Variants in KIF15 observed in about 807,000 individuals in gnomAD.
KIF15 encodes kinesin family member 15.
KIF15 carries 140 observed loss-of-function variants against 190.6 expected under a neutral mutation model. The observed-to-expected ratio is 0.73, with a 90% confidence interval of 0.64 to 0.84. The LOEUF (loss-of-function observed/expected upper bound fraction) is 0.84. KIF15 is among the 40% of genes least tolerant of loss of function. The pLI is 0.00. For missense variants in KIF15, 1,372 were observed against 1,584.4 expected (o/e 0.87, Z 2.28); for synonymous variants, 528 against 551.3 (o/e 0.96, Z 0.59).
chr3:44,805,744 A>G, intron 15 of KIF15, 101 bp from the exon 16 acceptor site: 1 of 1,054,424 alleles, frequency 9.5e-7, no homozygotes, highest in African/African-American at 1.6e-5. Context: ...TCTGATTTAG[A>G]GATAACTATA....
chr3:44,785,922 T>C (rs1043134051), intron 6 of KIF15, among the ~76,000 whole-genome samples: 2 of 152,176 alleles, frequency 1.3e-5, no homozygotes, highest in Non-Finnish European at 2.9e-5. Flanking sequence ...TATAATGATG[T>C]GTTAAAACTA....
intron 20 of KIF15, among the ~76,000 whole-genome samples, chr3:44,816,055 A>C (rs1708018512): frequency 1.3e-5 from 2 of 151,948 alleles, no homozygotes; most frequent in Admixed American, 1.3e-4. Context: ...TTAAAGATTC[A>C]TTTCTATTTG....
intron 10 of KIF15, chr3:44,799,226 A>G (rs573326724): frequency 2.2e-6 from 1 of 456,628 alleles, no homozygotes; most frequent in Non-Finnish European, 4.4e-6. Context: ...ATCAGAAGCA[A>G]CTGGAAATGG....
At chr3:44,809,705 G>C (rs1210631513) in intron 16 of KIF15, among the ~76,000 whole-genome samples, 1 of 151,890 alleles carries the variant, frequency 6.6e-6, no homozygotes, top group Non-Finnish European at 1.5e-5. Flanking sequence ...ATTTAAATTA[G>C]CCAAGCATGG....
intron 1 of KIF15, 131 bp downstream of exon 1, chr3:44,762,015 C>A (rs1461152417): frequency 1.7e-6 from 2 of 1,146,556 alleles, no homozygotes; most frequent in Non-Finnish European, 2.6e-6. Context: ...CCGGCGGGGA[C>A]GTTTGGGAAT....
intron 32 of KIF15, among the ~76,000 whole-genome samples, chr3:44,849,251 A>G (rs1180443045): frequency 6.6e-6 from 1 of 152,230 alleles, no homozygotes; most frequent in East Asian, 1.9e-4. Flanking sequence ...TTGACTTTAT[A>G]TCTAAAATTT....
intron 13 of KIF15, 98 bp downstream of exon 13, chr3:44,802,072 TG>T: frequency 1.3e-6 from 1 of 788,620 alleles, no homozygotes; most frequent in Non-Finnish European, 2.0e-6. Flanking sequence ...CAATGGAAAT[TG>T]TTTTAAGTGA....
At chr3:44,829,025 G>A (rs1041888548) in intron 24 of KIF15, among the ~76,000 whole-genome samples, 2 of 148,616 alleles carry the variant, frequency 1.3e-5, no homozygotes, top group Admixed American at 6.8e-5. Context: ...CAACAAGAGC[G>A]AAACTCTGTC....
intron 7 of KIF15, among the ~76,000 whole-genome samples, chr3:44,792,479 A>G (rs1706754663): frequency 6.6e-6 from 1 of 152,200 alleles, no homozygotes; most frequent in Non-Finnish European, 1.5e-5. Context: ...GTCTTAAAAA[A>G]AAGAAAAAAG....
chr3:44,803,091 G>A (rs762988977), intron 14 of KIF15, 100 bp downstream of exon 14: 2 of 961,370 alleles, frequency 2.1e-6, no homozygotes, highest in Non-Finnish European at 3.0e-6. Context: ...TAGCCTCCAG[G>A]CCTGCTATGC....
intron 20 of KIF15, among the ~76,000 whole-genome samples, chr3:44,819,023 A>G (rs1708148179): frequency 6.6e-6 from 1 of 151,982 alleles, no homozygotes; most frequent in Non-Finnish European, 1.5e-5. Context: ...TTTCTAGTTT[A>G]TTTGCGTAGA....
intron 16 of KIF15, among the ~76,000 whole-genome samples, chr3:44,809,429 G>T (rs1410938709): frequency 6.6e-6 from 1 of 152,056 alleles, no homozygotes; most frequent in African/African-American, 2.4e-5. Context: ...TATTTTTGAT[G>T]TAGCCAGGTT....
rs1705157500 is a variant in KIF15 at position 44,761,867 on chromosome 3, T to TG, written c.4dup (p.Ala2?). The stretch of plus-strand genomic sequence containing the variant: ...TCGGGATCGAGGGGTGAGGGCGCTA[T>TG]GGCACCCGGCTGCAAAAGTAAGTCT... On this transcript the variant is annotated frameshift_variant and start_lost, in exon 1 of 35. Coordinates refer to ENST00000326047, the MANE Select transcript of KIF15 (RefSeq NM_020242.3). LOFTEE classifies it high-confidence loss of function. 6.2e-7 allele frequency: 1 copy of TG among 1,614,070 alleles called. No individual in the cohort carries two copies. Among genetic ancestry groups the TG allele is most frequent in the African/African-American group, 1.3e-5 (1 of 74,928 alleles).
chr3:44,792,826 G>T (rs936320703), intron 7 of KIF15, among the ~76,000 whole-genome samples: 43 of 152,174 alleles, frequency 2.8e-4, no homozygotes, highest in African/African-American at 1.0e-3. Flanking sequence ...AATTACAGGC[G>T]TGAGCCACCG....
At chr3:44,829,446 T>C (rs1301602003) in intron 24 of KIF15, among the ~76,000 whole-genome samples, 5 of 137,914 alleles carry the variant, frequency 3.6e-5, no homozygotes, top group Admixed American at 8.1e-5. Context: ...GTATATATTA[T>C]ATACGCATAT....
At position 44,815,004 on chromosome 3, in the gene KIF15, C is replaced by G. The variant is rs74888477; in HGVS notation, c.2477C>G (p.Thr826Arg). The G allele has an allele frequency of 2.1e-4, 336 of 1,612,634 alleles. No individual in the cohort carries two copies. The African/African-American group carries it at 4.3e-3, about 21-fold the overall frequency. Residue 826 changes from threonine to arginine, a missense_variant, in exon 20 of 35, where the codon ACG (threonine) becomes AGG (arginine). Thr to Arg is a moderately conservative substitution (Grantham distance 71). Coordinates refer to ENST00000326047, the MANE Select transcript of KIF15 (RefSeq NM_020242.3). ...SVKLEYSSFK[T>R]NQEKEFNKLS... ...AAATTGGAATATAGTTCATTCAAAA[C>G]GAATCAGGAGAAAGAATTCAACAAA...
chr3:44,817,417 A>G (rs1205231967), intron 20 of KIF15, among the ~76,000 whole-genome samples: 2 of 152,156 alleles, frequency 1.3e-5, no homozygotes, highest in African/African-American at 4.8e-5. Context: ...TAATTTTTGT[A>G]TAAAGTGTAA....
chr3:44,784,412 C>T (rs889115294), intron 5 of KIF15, among the ~76,000 whole-genome samples: 1 of 152,136 alleles, frequency 6.6e-6, no homozygotes, highest in Non-Finnish European at 1.5e-5. Flanking sequence ...GATCCGCCCG[C>T]CTCAGCTTCC....
At chr3:44,776,079 CAAA>C (rs879571270) in intron 3 of KIF15, among the ~76,000 whole-genome samples, 2 of 101,052 alleles carry the variant, frequency 2.0e-5, no homozygotes, top group African/African-American at 3.7e-5. Context: ...GACTCTGTCT[CAAA>C]AAAAAAAAAA....
Sources: allele counts gnomAD v4.1 joint callset (sites outside exome capture counted in the v4.1 genomes callset), GRCh38; gene constraint gnomAD v4.1.1; transcripts MANE v1.5; gene names NCBI Gene and HGNC (gene_info 2026-07-23, HGNC 2026-07-21).